Variants in NUTF2 observed in about 807,000 individuals in gnomAD.
The protein encoded by NUTF2 is placental protein 15.
A neutral mutation model predicts 18.5 loss-of-function variants in NUTF2; 3 were observed. The ratio of observed to expected loss-of-function variants is 0.16; its 90% CI spans 0.07 to 0.42. The LOEUF is 0.42. Ranked by LOEUF, NUTF2 falls within the 10% of genes least tolerant of loss-of-function variation. The pLI is 0.99. For missense variants in NUTF2, 44 were observed against 160.7 expected, an observed-to-expected ratio of 0.27 and a Z score of 3.93; for synonymous variants, 51 against 57.9, an observed-to-expected ratio of 0.88 and a Z score of 0.54.
chr16:67,863,902 T>TA (rs1391763615), intron 1 of NUTF2, among the ~76,000 whole-genome samples: 1 of 152,204 alleles, frequency 6.6e-6, no homozygotes, highest in African/African-American at 2.4e-5. Flanking sequence ...CCAGTATCCT[T>TA]ACAGCCATGG....
rs375581211 is a variant in NUTF2 at position 67,865,377 on chromosome 16, C to T, written c.99+148C>T. ...TTTTGTCCACGGGACAGGGGTCTGACGCTTGGCCCAAGTAATTACCTGGTC... is the reference window on the plus strand; with the variant it reads ...TTTTGTCCACGGGACAGGGGTCTGATGCTTGGCCCAAGTAATTACCTGGTC... On this transcript the variant is annotated intron_variant, in intron 2 of 4. Coordinates refer to ENST00000219169, the MANE Select transcript of NUTF2 (RefSeq NM_005796.3). The T allele has an allele frequency of 6.8e-4, 401 of 585,810 alleles. No homozygotes were observed. The Middle Eastern group carries it at 0.013, about 19-fold the overall frequency. The allele number at this position is 585,810 out of a possible 1,614,324, so 36.3% of individuals were successfully genotyped here.
intron 1 of NUTF2, among the ~76,000 whole-genome samples, chr16:67,854,824 T>A (rs2057883787): frequency 6.6e-6 from 1 of 152,136 alleles, no homozygotes; most frequent in Non-Finnish European, 1.5e-5. Context: ...GGCAGGTACC[T>A]GTAATCCCAG....
At chr16:67,867,330 A>G (rs1414776155) in intron 2 of NUTF2, among the ~76,000 whole-genome samples, 1 of 152,242 alleles carries the variant, frequency 6.6e-6, no homozygotes, top group Non-Finnish European at 1.5e-5. Flanking sequence ...TCCTAAAAGA[A>G]CAATTTATAT....
At chr16:67,870,779 T>A (rs1567386469) in intron 4 of NUTF2, 21 bp from the exon 5 acceptor site, 1 of 1,580,074 alleles carries the variant, frequency 6.3e-7, no homozygotes, top group South Asian at 1.1e-5. Context: ...CCTTACTGAA[T>A]CCTCTTTTCT....
At chr16:67,868,314 C>A (rs1311153273) in intron 2 of NUTF2, 26 bp from the exon 3 acceptor site, 2 of 1,611,098 alleles carry the variant, frequency 1.2e-6, no homozygotes, top group Admixed American at 1.7e-5. Flanking sequence ...AGGCCCCAAC[C>A]CTGGGGTTTC....
chr16:67,860,449 A>C (rs2057927927), intron 1 of NUTF2, among the ~76,000 whole-genome samples: 1 of 151,400 alleles, frequency 6.6e-6, no homozygotes, highest in African/African-American at 2.4e-5. Context: ...TAATTTTTAA[A>C]ATTTTTTGTA....
intron 1 of NUTF2, among the ~76,000 whole-genome samples, chr16:67,855,736 G>A (rs1181558784): frequency 6.6e-6 from 1 of 152,134 alleles, no homozygotes; most frequent in Non-Finnish European, 1.5e-5. Context: ...CTAGGAGAAT[G>A]CAAATTCTCA....
At chr16:67,852,425 C>T (rs749771036) in intron 1 of NUTF2, among the ~76,000 whole-genome samples, 4 of 150,974 alleles carry the variant, frequency 2.6e-5, no homozygotes, top group African/African-American at 4.9e-5. Context: ...GTCGCAGTCT[C>T]GGCTCACTGC....
intron 2 of NUTF2, among the ~76,000 whole-genome samples, chr16:67,866,907 A>G (rs1199972669): frequency 6.7e-6 from 1 of 149,022 alleles, no homozygotes; most frequent in Non-Finnish European, 1.5e-5. Flanking sequence ...CATGCCCAGC[A>G]TAGAGTTTTT....
intron 1 of NUTF2, among the ~76,000 whole-genome samples, chr16:67,860,080 C>T (rs940745543): frequency 6.6e-6 from 1 of 151,416 alleles, no homozygotes; most frequent in Non-Finnish European, 1.5e-5. Context: ...CCTGGGTTCA[C>T]GCCATTCTGC....
intron 1 of NUTF2, among the ~76,000 whole-genome samples, chr16:67,856,422 C>A (rs944832481): frequency 1.3e-5 from 2 of 151,588 alleles, no homozygotes; most frequent in Non-Finnish European, 2.9e-5. Context: ...GAATTCCTGA[C>A]TTCATGATCC....
At chr16:67,855,448 C>G (rs2057888702) in intron 1 of NUTF2, among the ~76,000 whole-genome samples, 1 of 152,180 alleles carries the variant, frequency 6.6e-6, no homozygotes, top group African/African-American at 2.4e-5. Context: ...GCTGTACCTG[C>G]TGTGTGCCAG....
intron 1 of NUTF2, among the ~76,000 whole-genome samples, chr16:67,848,269 G>A (rs570456307): frequency 7.2e-5 from 11 of 152,274 alleles, no homozygotes; most frequent in African/African-American, 2.6e-4. Flanking sequence ...TCTCTGAGCC[G>A]CAGTCTTTCC....
At chr16:67,851,072 A>T (rs2057853047) in intron 1 of NUTF2, among the ~76,000 whole-genome samples, 2 of 151,904 alleles carry the variant, frequency 1.3e-5, no homozygotes, top group African/African-American at 4.8e-5. Flanking sequence ...AAGTGCTAGG[A>T]TTACAGGTGT....
At chr16:67,869,892 A>G (rs989692605) in intron 4 of NUTF2, 1 of 152,250 alleles carries the variant, frequency 6.6e-6, no homozygotes, top group Non-Finnish European at 1.5e-5. Context: ...TTACAATAAC[A>G]TGGTCACATG....
intron 1 of NUTF2, among the ~76,000 whole-genome samples, chr16:67,860,389 C>T (rs997064301): frequency 3.9e-5 from 6 of 152,222 alleles, no homozygotes; most frequent in African/African-American, 1.4e-4. Flanking sequence ...ATCTTCCCAC[C>T]TCAGCCTCCT....
chr16:67,855,972 G>T, intron 1 of NUTF2: 1 of 1,216,416 alleles, frequency 8.2e-7, no homozygotes, highest in Non-Finnish European at 1.2e-6. Flanking sequence ...TTCTGGAACT[G>T]CTTCTTGGTG....
chr16:67,849,072 A>C (rs1447005324), intron 1 of NUTF2, among the ~76,000 whole-genome samples: 3 of 152,160 alleles, frequency 2.0e-5, no homozygotes, highest in Admixed American at 6.5e-5. Flanking sequence ...CTCTGGATGT[A>C]ACTTTCCTAG....
In NUTF2 at chr16:67,872,437, T is replaced by C. The variant is rs1461015870; in HGVS notation, c.*1524T>C. On this transcript the variant is annotated 3_prime_UTR_variant, in exon 5 of 5. Coordinates refer to ENST00000219169, the MANE Select transcript of NUTF2 (RefSeq NM_005796.3). The stretch of plus-strand genomic sequence containing the variant: ...AGTGGGAATGATCTCTAGGCTGATG[T>C]GTATTTGGGGAAGTGGGGGTGGGGA... The C allele has an allele frequency of 1.3e-5, 2 of 152,208 alleles. No individual in the cohort carries two copies. Among genetic ancestry groups the C allele is most frequent in the Non-Finnish European group, 2.9e-5 (2 of 68,098 alleles). The allele number at this position is 152,208 out of a possible 1,614,324, so 9.4% of individuals were successfully genotyped here.
Sources: allele counts gnomAD v4.1 joint callset (sites outside exome capture counted in the v4.1 genomes callset), GRCh38; gene constraint gnomAD v4.1.1; transcripts MANE v1.5; gene names NCBI Gene and HGNC (gene_info 2026-07-23, HGNC 2026-07-21).